PYGO1: variants seen among roughly 807,000 people sequenced by gnomAD.
The protein encoded by PYGO1 is pygopus family PHD finger 1.
In PYGO1, 6 loss-of-function variants were observed where a neutral mutation model predicts 29.5. The observed-to-expected ratio is 0.20, with a 90% CI of 0.11 to 0.40. The LOEUF is 0.40. Among genes scored for constraint, PYGO1 ranks in the 10% least tolerant of loss-of-function variants. The pLI is 1.00. For synonymous variants in PYGO1, 186 were observed against 180.5 expected, an observed-to-expected ratio of 1.03 and a Z score of -0.24; for missense variants, 515 against 514.9, an observed-to-expected ratio of 1.00 and a Z score of 0.00.
chr15:55,572,894 C>A (rs753383266), intron 1 of PYGO1, among the ~76,000 whole-genome samples: 1 of 151,596 alleles, frequency 6.6e-6, no homozygotes, highest in Non-Finnish European at 1.5e-5. Flanking sequence ...TAAATAAAGC[C>A]AGGTGTGGTA....
chr15:55,588,588 C>CGGGCCCGCG (rs565903480), upstream of PYGO1, among the ~76,000 whole-genome samples: 1 of 148,182 alleles, frequency 6.7e-6, no homozygotes, highest in East Asian at 2.0e-4. Flanking sequence ...CGCGGGCCCG[C>CGGGCCCGCG]GGCTCTTGCA....
At chr15:55,579,355 G>A (rs2059016774) in intron 1 of PYGO1, among the ~76,000 whole-genome samples, 1 of 152,064 alleles carries the variant, frequency 6.6e-6, no homozygotes, top group Admixed American at 6.6e-5. Flanking sequence ...ATAAACAAAC[G>A]AAGGCGCCAA....
At chr15:55,570,870 A>G (rs1165877675) in intron 1 of PYGO1, among the ~76,000 whole-genome samples, 2 of 152,102 alleles carry the variant, frequency 1.3e-5, no homozygotes, top group Admixed American at 1.3e-4. Flanking sequence ...TTTAATTTTA[A>G]CTTTTAATTG....
chr15:55,561,216 G>A (rs1239549151), intron 1 of PYGO1, among the ~76,000 whole-genome samples: 1 of 152,138 alleles, frequency 6.6e-6, no homozygotes, highest in Non-Finnish European at 1.5e-5. Context: ...TGATAAATCT[G>A]ACAAAAATCT....
intron 2 of PYGO1, among the ~76,000 whole-genome samples, chr15:55,548,707 T>TAAAAAAAAAAAAAA (rs60796044): frequency 1.8e-4 from 10 of 55,438 alleles, no homozygotes; most frequent in Admixed American, 5.2e-4. Context: ...AGAATCCACC[T>TAAAAAAAAAAAAAA]AAAAAAAAAA....
At chr15:55,560,852 C>T (rs1361944203) in intron 1 of PYGO1, among the ~76,000 whole-genome samples, 1 of 152,118 alleles carries the variant, frequency 6.6e-6, no homozygotes, top group East Asian at 1.9e-4. Context: ...GTCTCAGCTA[C>T]TCGGGAGGCT....
chr15:55,570,537 T>A (rs1024733809), intron 1 of PYGO1, among the ~76,000 whole-genome samples: 2 of 149,966 alleles, frequency 1.3e-5, no homozygotes, highest in South Asian at 4.3e-4. Flanking sequence ...AAAAAAAAAC[T>A]GAACATATTT....
rs1360953617 is a variant in PYGO1, at chr15:55,544,016, A to C, written c.*2007T>G. The C allele has an allele frequency of 6.6e-6, 1 of 152,156 alleles. No individual in the cohort carries two copies. Among genetic ancestry groups the C allele is most frequent in the Non-Finnish European group, 1.5e-5 (1 of 68,018 alleles). 9.4% of individuals were successfully genotyped at this position (152,156 alleles called of 1,614,324 possible). On this transcript the variant is annotated 3_prime_UTR_variant, in exon 3 of 3. Transcript: ENST00000563719. The stretch of plus-strand genomic sequence containing the variant: ...CATTTTAACCTGCTTCAACTGGTAA[A>C]GTTTTCACACAAAGGAGTACCTAGA...
intron 1 of PYGO1, among the ~76,000 whole-genome samples, chr15:55,556,986 G>A (rs2058908717): frequency 6.6e-6 from 1 of 151,760 alleles, no homozygotes; most frequent in African/African-American, 2.4e-5. Flanking sequence ...TTCTGAAATT[G>A]AGGCAGTAAT....
rs1428677537 is a variant in PYGO1, at chr15:55,546,457, C to G, written c.826G>C (p.Val276Leu). Residue 276 changes from valine (V) to leucine (L), a missense_variant, in exon 3 of 3, where the codon GTT becomes CTT. Transcript: ENST00000563719. ...VNQSNIELKN[V>L]NRNNAVNQEN... Reference sequence around the variant, plus strand: ...TGATTTACTGCATTGTTTCGATTAACATTTTTTAATTCAATATTACTCTGA... The same window carrying G: ...TGATTTACTGCATTGTTTCGATTAAGATTTTTTAATTCAATATTACTCTGA... The G allele has an allele frequency of 6.2e-7, 1 of 1,614,132 alleles. No homozygotes were observed. The highest frequency in any genetic ancestry group is 8.5e-7 in the Non-Finnish European group (1 of 1,180,030).
At chr15:55,584,284 A>C (rs2059037639) in intron 1 of PYGO1, among the ~76,000 whole-genome samples, 1 of 151,474 alleles carries the variant, frequency 6.6e-6, no homozygotes, top group African/African-American at 2.4e-5. Context: ...CGCCCAGCTA[A>C]TTTTTCGTAC....
At chr15:55,553,141 T>C (rs1029918193) in intron 1 of PYGO1, among the ~76,000 whole-genome samples, 2 of 152,174 alleles carry the variant, frequency 1.3e-5, no homozygotes, top group Non-Finnish European at 2.9e-5. Context: ...GCCAGACTAC[T>C]TCCTTAAGTG....
intron 1 of PYGO1, among the ~76,000 whole-genome samples, chr15:55,584,106 C>T (rs2059036607): frequency 8.1e-6 from 1 of 123,156 alleles, no homozygotes; most frequent in Non-Finnish European, 1.7e-5. Context: ...GGTGTCATAC[C>T]TTTTTTTTTT....
chr15:55,548,903 A>C lies in PYGO1; in HGVS notation c.135+7T>G. ...AAAAACTTTTATTAAAGAAAATGTC[A>C]GTTTACCTGTGTATTTGCCTTGCGC... is the stretch of plus-strand genomic sequence containing the variant. On this transcript the variant is annotated splice_region_variant and intron_variant, in intron 2 of 2. Transcript: ENST00000563719. 1 of 1,608,386 alleles carries C rather than the reference A, an allele frequency of 6.2e-7. No individual in the cohort carries two copies. The highest frequency in any genetic ancestry group is 8.5e-7 in the Non-Finnish European group (1 of 1,177,636).
At chr15:55,561,407 C>T (rs748801199) in intron 1 of PYGO1, among the ~76,000 whole-genome samples, 12 of 152,076 alleles carry the variant, frequency 7.9e-5, no homozygotes, top group East Asian at 3.9e-4. Context: ...CCACATGGCC[C>T]GGGAGGCCTC....
intron 1 of PYGO1, among the ~76,000 whole-genome samples, chr15:55,586,477 T>C (rs2059046957): frequency 6.6e-6 from 1 of 152,226 alleles, no homozygotes; most frequent in African/African-American, 2.4e-5. Flanking sequence ...GACTGTAATT[T>C]TACTATTAAA....
At chr15:55,579,090 C>G (rs1420505418) in intron 1 of PYGO1, among the ~76,000 whole-genome samples, 1 of 152,146 alleles carries the variant, frequency 6.6e-6, no homozygotes, top group African/African-American at 2.4e-5. Context: ...AGAGCCAGTG[C>G]TCTCCTCAAG....
At chr15:55,585,750 G>C (rs1285053381) in intron 1 of PYGO1, among the ~76,000 whole-genome samples, 1 of 152,172 alleles carries the variant, frequency 6.6e-6, no homozygotes, top group Non-Finnish European at 1.5e-5. Flanking sequence ...AATTAAATTT[G>C]ATTAGGACTG....
chr15:55,547,109 T>C lies in PYGO1; in HGVS notation c.174A>G (p.Pro58=), dbSNP rs377539425. 1.3e-5 allele frequency: 21 copies of C among 1,609,858 alleles called. No individual in the cohort carries two copies. Among genetic ancestry groups the C allele is most frequent in the Non-Finnish European group, 1.7e-5 (20 of 1,178,712 alleles). The part of the protein sequence containing the change: ...SFPPLSEYAP[P]PNPNSDHLVA... ...CTAGATGGTCAGAGTTTGGATTCGGTGGTGGAGCATACTCAGACAATGGAG... is the reference window on the plus strand; with the variant it reads ...CTAGATGGTCAGAGTTTGGATTCGGCGGTGGAGCATACTCAGACAATGGAG... The change falls in exon 3 of 3, where the codon CCA becomes CCG. Residue 58 remains proline, a synonymous_variant. Coordinates refer to ENST00000563719, the MANE Select transcript of PYGO1 (RefSeq NM_001367806.1).
Sources: allele counts gnomAD v4.1 joint callset (sites outside exome capture counted in the v4.1 genomes callset), GRCh38; gene constraint gnomAD v4.1.1; transcripts MANE v1.5; gene names NCBI Gene and HGNC (gene_info 2026-07-23, HGNC 2026-07-21).